The following DAB1 variants were observed in gnomAD, a reference collection of about 807,000 sequenced individuals.
DAB1 encodes the protein DAB adaptor protein 1.
In DAB1, 15 loss-of-function variants were observed where a neutral mutation model predicts 64.6. That is an observed-to-expected ratio of 0.23 (90% confidence interval 0.16 to 0.36). The LOEUF (loss-of-function observed/expected upper bound fraction) is 0.36, where lower values mean the gene tolerates loss of function less well. Among genes scored for constraint, DAB1 ranks in the 10% least tolerant of loss-of-function variants. The probability of loss-of-function intolerance (pLI) is 1.00; values close to 1 mark genes in which losing one functional copy is unlikely to be tolerated. For missense variants in DAB1, 596 were observed against 706.7 expected (o/e 0.84, Z 1.78); for synonymous variants, 235 against 251.9 (o/e 0.93, Z 0.64).
intron 6 of DAB1, among the ~76,000 whole-genome samples, chr1:57,767,079 G>A (rs961170248): frequency 2.0e-5 from 3 of 152,056 alleles, no homozygotes; most frequent in Non-Finnish European, 2.9e-5. Context: ...CTCTTTGAAC[G>A]TCATCATTTG....
chr1:57,302,942 CTGAA>C (rs1673790130), intron 1 of DAB1, among the ~76,000 whole-genome samples: 1 of 152,178 alleles, frequency 6.6e-6, no homozygotes, highest in Non-Finnish European at 1.5e-5. Context: ...AATGCGATGA[CTGAA>C]TACATGCCAC....
intron 7 of DAB1, among the ~76,000 whole-genome samples, chr1:57,641,654 T>C (rs1216613881): frequency 2.0e-5 from 3 of 151,786 alleles, no homozygotes; most frequent in Admixed American, 2.0e-4. Context: ...AAAGTGCTGG[T>C]TCCTTTTTTT....
At chr1:58,395,147 T>C (rs971826877) in intron 3 of DAB1, among the ~76,000 whole-genome samples, 2 of 152,102 alleles carry the variant, frequency 1.3e-5, no homozygotes, top group Admixed American at 6.6e-5. Context: ...ATGCATCTTA[T>C]GGTTGGATTG....
intron 6 of DAB1, among the ~76,000 whole-genome samples, chr1:57,710,003 G>T (rs777065353): frequency 6.6e-6 from 1 of 152,124 alleles, no homozygotes; most frequent in African/African-American, 2.4e-5. Context: ...GAAAAGAAAT[G>T]ATTTGGGGGC....
At chr1:58,423,861 C>T (rs1365920938) in intron 3 of DAB1, among the ~76,000 whole-genome samples, 7 of 152,212 alleles carry the variant, frequency 4.6e-5, no homozygotes, top group Admixed American at 3.9e-4. Context: ...TTGCCCACAG[C>T]TCTATTCAAT....
At chr1:57,372,654 GT>G (rs397727709) in intron 1 of DAB1, among the ~76,000 whole-genome samples, 42 of 150,834 alleles carry the variant, frequency 2.8e-4, no homozygotes, top group African/African-American at 9.2e-4. Flanking sequence ...CTAAGCTCCT[GT>G]TTTTTTTTCT....
chr1:57,687,599 C>CAAAAAAAAAAAAAAAAAAAAAAAAA (rs57316234), intron 6 of DAB1, among the ~76,000 whole-genome samples: 10 of 82,432 alleles, frequency 1.2e-4, no homozygotes, highest in African/African-American at 3.9e-4. Flanking sequence ...TCTTAAGAAA[C>CAAAAAAAAAAAAAAAAAAAAAAAAA]AAAAAAAAAA....
Position 57,007,614 on chromosome 1 carries a change from G to A in DAB1, c.*15+3066C>T, listed in dbSNP as rs114702381. ...GCTTCCACCTGTGGGGATTGAGTCCGTCTGTTTCCTCTTACTATGGTGTGA... is the reference window on the plus strand; with the variant it reads ...GCTTCCACCTGTGGGGATTGAGTCCATCTGTTTCCTCTTACTATGGTGTGA... On this transcript the variant is annotated intron_variant, in intron 14 of 14. Transcript: ENST00000371236. Among the ~76,000 whole-genome samples, 15 of 152,270 alleles carry A rather than the reference G, an allele frequency of 9.9e-5. 1 individual carries two copies. The South Asian group carries it at 1.7e-3, about 17-fold the overall frequency.
intron 2 of DAB1, among the ~76,000 whole-genome samples, chr1:57,275,951 A>G (rs1206451590): frequency 6.6e-6 from 1 of 152,234 alleles, no homozygotes; most frequent in Non-Finnish European, 1.5e-5. Context: ...GGAATGCACC[A>G]ATAAAAATGG....
intron 1 of DAB1, among the ~76,000 whole-genome samples, chr1:57,409,991 C>T (rs570923061): frequency 1.3e-3 from 194 of 152,338 alleles, no homozygotes; most frequent in Non-Finnish European, 2.3e-3. Flanking sequence ...GAAGCAAACA[C>T]ATTCTATTAA....
At chr1:57,069,312 C>T in intron 8 of DAB1, 48 bp downstream of exon 8, 1 of 1,375,012 alleles carries the variant, frequency 7.3e-7, no homozygotes, top group South Asian at 1.2e-5. Flanking sequence ...TACATTTATG[C>T]ATGTACTAGT....
chr1:58,451,952 T>G (rs1238697609), intron 3 of DAB1, among the ~76,000 whole-genome samples: 1 of 150,498 alleles, frequency 6.6e-6, no homozygotes, highest in African/African-American at 2.5e-5. Flanking sequence ...AGTTTCACTC[T>G]TGTTGCCCAG....
intron 6 of DAB1, among the ~76,000 whole-genome samples, chr1:57,676,736 C>T (rs568807177): frequency 1.3e-5 from 2 of 152,324 alleles, no homozygotes; most frequent in African/African-American, 4.8e-5. Context: ...TTTTGCTGAT[C>T]TCCAAATATG....
chr1:57,338,160 T>G (rs1677255594), intron 1 of DAB1, among the ~76,000 whole-genome samples: 2 of 152,040 alleles, frequency 1.3e-5, no homozygotes, highest in Non-Finnish European at 2.9e-5. Context: ...AATTTTTGCA[T>G]TTTTAGTAGA....
chr1:57,593,409 A>G (rs1570656290), intron 7 of DAB1, among the ~76,000 whole-genome samples: 1 of 152,210 alleles, frequency 6.6e-6, no homozygotes, highest in African/African-American at 2.4e-5. Context: ...GCATCCATCA[A>G]TGAACACTTG....
chr1:57,021,624 C>T (rs1646625129), intron 11 of DAB1, among the ~76,000 whole-genome samples: 3 of 152,194 alleles, frequency 2.0e-5, no homozygotes, highest in Non-Finnish European at 4.4e-5. Flanking sequence ...AACAGTGAGT[C>T]CATTAAAACT....
intron 1 of DAB1, among the ~76,000 whole-genome samples, chr1:57,313,530 G>A (rs77375035): frequency 2.0e-5 from 3 of 152,242 alleles, no homozygotes; most frequent in Admixed American, 6.5e-5. Context: ...CTGCTATGAG[G>A]AAGGGGTAAG....
intron 2 of DAB1, among the ~76,000 whole-genome samples, chr1:57,155,618 A>C (rs575920577): frequency 6.6e-6 from 1 of 151,696 alleles, no homozygotes; most frequent in Admixed American, 6.6e-5. Context: ...TTGAATCTGG[A>C]GACTGTTTTG....
chr1:57,880,425 T>C (rs1644126760), intron 1 of DAB1: 1 of 152,164 alleles, frequency 6.6e-6, no homozygotes, highest in African/African-American at 2.4e-5. Context: ...GTCATTCCTT[T>C]CTTCTGTTCT....
Sources: allele counts gnomAD v4.1 joint callset (sites outside exome capture counted in the v4.1 genomes callset), GRCh38; gene constraint gnomAD v4.1.1; transcripts MANE v1.5; gene names NCBI Gene and HGNC (gene_info 2026-07-23, HGNC 2026-07-21).